Variants in TTC28 observed in about 807,000 individuals in gnomAD.
The protein encoded by TTC28 is tetratricopeptide repeat domain 28.
In TTC28, 61 loss-of-function variants were observed where a neutral mutation model predicts 198.0. The observed-to-expected ratio is 0.31, with a 90% CI of 0.25 to 0.38. TTC28 has a LOEUF of 0.38. TTC28 is among the 10% of genes least tolerant of loss of function. TTC28 has a pLI of 1.00. For missense variants in TTC28, 2,678 were observed against 3,164.0 expected (o/e 0.85, Z 3.69); for synonymous variants, 1,171 against 1,297.8 (o/e 0.90, Z 2.10).
At chr22:28,675,330 T>C (rs995938006) in intron 1 of TTC28, among the ~76,000 whole-genome samples, 20 of 152,328 alleles carry the variant, frequency 1.3e-4, no homozygotes, top group Non-Finnish European at 2.8e-4. Flanking sequence ...ATCATAGGGC[T>C]AAATCTTCAT....
intron 2 of TTC28, among the ~76,000 whole-genome samples, chr22:28,508,989 G>A (rs376887868): frequency 2.0e-5 from 3 of 152,018 alleles, no homozygotes; most frequent in South Asian, 2.1e-4. Flanking sequence ...CCAGGAGTTC[G>A]AGACCAGCCT....
In TTC28 at chr22:28,165,554, C is replaced by A. The variant is rs1020542444; in HGVS notation, c.934-1955G>T. 4.6e-5 allele frequency among the ~76,000 whole-genome samples: 7 copies of A among 152,128 alleles called. No homozygotes were observed. In the East Asian group the frequency reaches 1.4e-3, roughly 29 times the overall value. The stretch of plus-strand genomic sequence containing the variant: ...TTCTTAAAGAAAAGAATTTTCAACC[C>A]AGAATTTCATATCCAGCCAAACTAA... On this transcript the variant is annotated intron_variant, in intron 5 of 22. Coordinates refer to ENST00000397906, the MANE Select transcript of TTC28 (RefSeq NM_001145418.2).
Position 28,096,241 on chromosome 22 carries a change from A to G in TTC28, c.3715T>C (p.Tyr1239His). The G allele has an allele frequency of 6.4e-7, 1 of 1,551,514 alleles. No individual in the cohort carries two copies. The highest frequency in any genetic ancestry group is 2.4e-5 in the East Asian group (1 of 40,920). The change falls in exon 11 of 23, where the codon TAT becomes CAT. Residue 1239 changes from tyrosine to histidine, a missense_variant. Coordinates refer to ENST00000397906, the MANE Select transcript of TTC28 (RefSeq NM_001145418.2). ...TACAGATAGCCTGCAGCCAGGGAAT[A>G]GTAAAGCACTAGTCCCCTCTGGCCA... ...VNGQRGLVLY[Y>H]SLAAGYLYSW...
At chr22:28,101,036 C>T (rs922295120) in intron 9 of TTC28, 135 bp downstream of exon 9, 55 of 602,426 alleles carry the variant, frequency 9.1e-5, no homozygotes, top group African/African-American at 3.8e-4. Flanking sequence ...CTAGTACAGG[C>T]GGGAAATCAT....
intron 2 of TTC28, among the ~76,000 whole-genome samples, chr22:28,520,882 G>A (rs111423996): frequency 6.6e-5 from 10 of 151,544 alleles, no homozygotes; most frequent in East Asian, 2.0e-4. Flanking sequence ...GTAAAACCCC[G>A]TCTCTACTAA....
intron 2 of TTC28, among the ~76,000 whole-genome samples, chr22:28,360,970 T>C (rs933078273): frequency 1.3e-5 from 2 of 152,206 alleles, no homozygotes; most frequent in Admixed American, 6.5e-5. Flanking sequence ...ACAATGCCTA[T>C]AGAAGATGGC....
intron 2 of TTC28, among the ~76,000 whole-genome samples, chr22:28,371,089 C>G (rs1379672897): frequency 6.6e-6 from 1 of 152,152 alleles, no homozygotes; most frequent in Non-Finnish European, 1.5e-5. Flanking sequence ...TCTTCAACCT[C>G]AGGACAGGTA....
chr22:28,553,792 G>C (rs1242555074), intron 2 of TTC28, among the ~76,000 whole-genome samples: 1 of 151,562 alleles, frequency 6.6e-6, no homozygotes, highest in Non-Finnish European at 1.5e-5. Flanking sequence ...CCGTCCGGGA[G>C]GTGAGGGGCA....
rs1937912773 is a variant in TTC28, at chr22:28,005,913, A to G, written c.4219-4360T>C. Among the ~76,000 whole-genome samples, 7 of 152,286 alleles carry G rather than the reference A, an allele frequency of 4.6e-5. No homozygotes were observed. In the South Asian group the frequency reaches 1.5e-3, roughly 32 times the overall value. ...AGGTACACTCCCTCAGCCCTAGAGA[A>G]CCACACAGCTTCCCTATATCTTACA... is the stretch of plus-strand genomic sequence containing the variant. On this transcript the variant is annotated intron_variant, in intron 14 of 22. Coordinates refer to ENST00000397906, the MANE Select transcript of TTC28 (RefSeq NM_001145418.2). This position sits in a 1 kb window ranked among gnomAD's most constrained non-coding sequence, Gnocchi z 4.9.
intron 5 of TTC28, among the ~76,000 whole-genome samples, chr22:28,289,985 T>C (rs1018446902): frequency 6.6e-5 from 10 of 152,000 alleles, no homozygotes; most frequent in South Asian, 2.1e-4. Flanking sequence ...GACTGCGCCA[T>C]TGCACTCCAG....
chr22:28,672,898 C>T (rs1569093247), intron 1 of TTC28, among the ~76,000 whole-genome samples: 1 of 152,180 alleles, frequency 6.6e-6, no homozygotes, highest in African/African-American at 2.4e-5. Context: ...CCTTATTTTA[C>T]AAGATTAATA....
At chr22:28,676,641 A>G (rs2051994300) in intron 1 of TTC28, among the ~76,000 whole-genome samples, 2 of 152,070 alleles carry the variant, frequency 1.3e-5, no homozygotes, top group Non-Finnish European at 2.9e-5. Context: ...TCTTCAGCGC[A>G]ATCTCAAGTC....
At chr22:28,449,150 C>T (rs972916043) in intron 2 of TTC28, among the ~76,000 whole-genome samples, 5 of 152,214 alleles carry the variant, frequency 3.3e-5, no homozygotes, top group African/African-American at 1.2e-4. Context: ...GTGGCATATT[C>T]TCTCATTAAG....
chr22:28,671,098 C>T (rs182698767), intron 1 of TTC28, among the ~76,000 whole-genome samples: 39 of 152,008 alleles, frequency 2.6e-4, no homozygotes, highest in African/African-American at 8.9e-4. Flanking sequence ...CAAGTGATCA[C>T]GGGCTAACAT....
chr22:28,522,720 C>G (rs2048932737), intron 2 of TTC28, among the ~76,000 whole-genome samples: 1 of 152,068 alleles, frequency 6.6e-6, no homozygotes, highest in South Asian at 2.1e-4. Context: ...CCAATACACA[C>G]TACCATATGG....
chr22:28,437,329 C>T lies in TTC28; in HGVS notation c.382-130686G>A, dbSNP rs150034155. Among the ~76,000 whole-genome samples, 759 of 152,186 alleles carry T rather than the reference C, an allele frequency of 5.0e-3. 11 individuals are homozygous for T. The highest frequency in any genetic ancestry group is 0.017 in the African/African-American group (711 of 41,512). ...AACTCTTAGCCTCAAGTGATCCACG[C>T]GCCTCAGCCTCCCAAAGTGCTGAGA... On this transcript the variant is annotated intron_variant, in intron 2 of 22. Transcript: ENST00000397906.
chr22:28,012,713 T>C (rs1413980734), intron 14 of TTC28, among the ~76,000 whole-genome samples: 1 of 152,164 alleles, frequency 6.6e-6, no homozygotes, highest in African/African-American at 2.4e-5. Flanking sequence ...GGTCTCACTA[T>C]GTTGCCCAGG....
At chr22:28,168,042 G>A (rs1402015948) in intron 5 of TTC28, among the ~76,000 whole-genome samples, 1 of 152,150 alleles carries the variant, frequency 6.6e-6, no homozygotes, top group Non-Finnish European at 1.5e-5. Context: ...CAAACAGAGA[G>A]CCAAATCATG....
At chr22:28,049,827 G>A (rs183316786) in intron 12 of TTC28, among the ~76,000 whole-genome samples, 7 of 152,148 alleles carry the variant, frequency 4.6e-5, no homozygotes, top group East Asian at 1.9e-4. Context: ...GTGTATGTTC[G>A]TGAAGAGTGT....
Sources: gnomAD v4.1 joint callset for allele counts (sites outside exome capture counted in the v4.1 genomes callset) on GRCh38, gnomAD v4.1.1 for gene constraint, Gnocchi (gnomAD v3.1) non-coding constraint, MANE v1.5 for transcripts, NCBI Gene and HGNC (gene_info 2026-07-23, HGNC 2026-07-21) for gene names.